The following CHIC2 variants were observed in gnomAD, a reference collection of about 807,000 sequenced individuals.
CHIC2 encodes cysteine-rich hydrophobic domain-containing protein 2.
A neutral mutation model predicts 25.9 loss-of-function variants in CHIC2; 14 were observed. The ratio of observed to expected loss-of-function variants is 0.54; its 90% CI spans 0.36 to 0.85. CHIC2 has a LOEUF of 0.85. Ranked by LOEUF, CHIC2 falls within the 40% of genes least tolerant of loss-of-function variation. The probability of loss-of-function intolerance (pLI) is 0.01; values close to 1 mark genes in which losing one functional copy is unlikely to be tolerated. For missense variants in CHIC2, 146 were observed against 202.0 expected, an observed-to-expected ratio of 0.72 and a Z score of 1.68; for synonymous variants, 70 against 72.0, an observed-to-expected ratio of 0.97 and a Z score of 0.14.
At chr4:54,039,625 A>AAT (rs1463797197) in intron 3 of CHIC2, among the ~76,000 whole-genome samples, 2 of 152,208 alleles carry the variant, frequency 1.3e-5, no homozygotes, top group Non-Finnish European at 2.9e-5. Context: ...TGGAATGCAA[A>AAT]ATGGTTCACC....
At chr4:54,071,630 C>T in the CHIC2 span, among the ~76,000 whole-genome samples, 1 of 152,198 alleles carries the variant, frequency 6.6e-6, no homozygotes, top group Admixed American at 6.5e-5. Context: ...TTCCTTACAT[C>T]AGTCTTCCTA....
intron 5 of CHIC2, among the ~76,000 whole-genome samples, chr4:54,011,662 T>C (rs1041206550): frequency 2.0e-5 from 3 of 152,016 alleles, no homozygotes; most frequent in Non-Finnish European, 4.4e-5. Flanking sequence ...TAACATAAAA[T>C]AAAGGCTATC....
At chr4:54,048,913 G>A (rs1716913326) in intron 3 of CHIC2, 42 bp downstream of exon 3, 1 of 1,443,088 alleles carries the variant, frequency 6.9e-7, no homozygotes, top group Non-Finnish European at 9.2e-7. Context: ...AGACTTGCTT[G>A]TCCACTTCTA....
At chr4:54,052,096 T>C (rs1717021425) in intron 1 of CHIC2, among the ~76,000 whole-genome samples, 2 of 150,734 alleles carry the variant, frequency 1.3e-5, no homozygotes, top group African/African-American at 4.9e-5. Flanking sequence ...AATATCTCCT[T>C]TGCTATGTTT....
At chr4:54,068,846 C>G (rs1717566645), upstream of CHIC2, among the ~76,000 whole-genome samples, 1 of 152,226 alleles carries the variant, frequency 6.6e-6, no homozygotes, top group African/African-American at 2.4e-5. Context: ...ACACCAGTCA[C>G]AAGTCCAGGT....
the CHIC2 span, among the ~76,000 whole-genome samples, chr4:54,070,330 A>C: frequency 6.6e-6 from 1 of 152,258 alleles, no homozygotes; most frequent in Non-Finnish European, 1.5e-5. Context: ...CCAAAAGTAA[A>C]GGAGCGGAGG....
intron 5 of CHIC2, among the ~76,000 whole-genome samples, chr4:54,012,585 A>G (rs1364799126): frequency 6.6e-6 from 1 of 152,056 alleles, no homozygotes; most frequent in Non-Finnish European, 1.5e-5. Context: ...TATTTTTTTC[A>G]CTAAATTCTT....
At chr4:54,012,530 A>ATTTGAGTTT (rs1715626350) in intron 5 of CHIC2, among the ~76,000 whole-genome samples, 1 of 152,150 alleles carries the variant, frequency 6.6e-6, no homozygotes, top group South Asian at 2.1e-4. Flanking sequence ...GAAAAAATTA[A>ATTTGAGTTT]TACCTCAGTT....
At chr4:54,047,936 T>G (rs1450895392) in intron 3 of CHIC2, among the ~76,000 whole-genome samples, 1 of 151,950 alleles carries the variant, frequency 6.6e-6, no homozygotes, top group Non-Finnish European at 1.5e-5. Flanking sequence ...AACAAGAATA[T>G]AATACATTCA....
At chr4:54,012,644 A>C (rs577217526) in intron 5 of CHIC2, among the ~76,000 whole-genome samples, 1 of 150,652 alleles carries the variant, frequency 6.6e-6, no homozygotes, top group South Asian at 2.1e-4. Flanking sequence ...TAAACCCTCT[A>C]TCTAAGATGA....
At chr4:54,041,763 A>T (rs1716583857) in intron 3 of CHIC2, among the ~76,000 whole-genome samples, 1 of 152,142 alleles carries the variant, frequency 6.6e-6, no homozygotes, top group Non-Finnish European at 1.5e-5. Flanking sequence ...CTAAGAAAGC[A>T]TTCATAGGCT....
chr4:54,013,756 A>G, intron 5 of CHIC2, 81 bp downstream of exon 5: 1 of 1,417,892 alleles, frequency 7.1e-7, no homozygotes, highest in Non-Finnish European at 9.9e-7. Flanking sequence ...TTGCTGATTA[A>G]TAATCATGGA....
chr4:54,043,947 G>A (rs1349698732), intron 3 of CHIC2, among the ~76,000 whole-genome samples: 3 of 152,124 alleles, frequency 2.0e-5, no homozygotes, highest in Admixed American at 6.5e-5. Context: ...CAAAATAAAG[G>A]GATGGAGGAA....
intron 3 of CHIC2, among the ~76,000 whole-genome samples, chr4:54,034,573 ATT>A (rs1254810706): frequency 6.6e-6 from 1 of 151,656 alleles, no homozygotes; most frequent in African/African-American, 2.4e-5. Flanking sequence ...CTACTTAAAA[ATT>A]GTTTTTCATT....
At chr4:54,041,724 TTAAA>T (rs1287859541) in intron 3 of CHIC2, among the ~76,000 whole-genome samples, 1 of 152,130 alleles carries the variant, frequency 6.6e-6, no homozygotes, top group Non-Finnish European at 1.5e-5. Context: ...TTAGAATACA[TTAAA>T]TATTTTTAAA....
chr4:54,081,604 G>A, the CHIC2 span, among the ~76,000 whole-genome samples: 10 of 152,096 alleles, frequency 6.6e-5, no homozygotes, highest in Admixed American at 6.5e-4. Flanking sequence ...GCCCAAATGA[G>A]TATAAATTTT....
intron 3 of CHIC2, among the ~76,000 whole-genome samples, chr4:54,040,879 A>G (rs965933692): frequency 2.0e-5 from 3 of 151,894 alleles, no homozygotes; most frequent in Non-Finnish European, 4.4e-5. Flanking sequence ...ACACCGTCTC[A>G]ATCATAATAA....
At chr4:54,033,859 T>C (rs1214485869) in intron 3 of CHIC2, among the ~76,000 whole-genome samples, 1 of 152,218 alleles carries the variant, frequency 6.6e-6, no homozygotes, top group African/African-American at 2.4e-5. Flanking sequence ...TCTGTTTATC[T>C]GTTTGTCTAT....
At position 54,033,670 on chromosome 4, in the gene CHIC2, G is replaced by A. The variant is rs1716300484; in HGVS notation, c.330+15285C>T. Among the ~76,000 whole-genome samples, 3 of 152,258 alleles carry A rather than the reference G, an allele frequency of 2.0e-5. No individual in the cohort carries two copies. The South Asian group carries it at 6.2e-4, about 32-fold the overall frequency. ...TATAGGTTTAGGTTTTACATTTTGA[G>A]TTAAACTTTCTATTAATATACGGTT... On this transcript the variant is annotated intron_variant, in intron 3 of 5. Coordinates refer to ENST00000263921, the MANE Select transcript of CHIC2 (RefSeq NM_012110.4).
Sources: gnomAD v4.1 joint callset for allele counts (sites outside exome capture counted in the v4.1 genomes callset) on GRCh38, gnomAD v4.1.1 for gene constraint, MANE v1.5 for transcripts, NCBI Gene and HGNC (gene_info 2026-07-23, HGNC 2026-07-21) for gene names.